The following CDH16 variants were observed in gnomAD, a reference collection of about 807,000 sequenced individuals.
The protein encoded by CDH16 is cadherin 16, also known as cadherin-16.
Under a neutral mutation model 87.6 loss-of-function variants are expected in CDH16, and 79 were observed. That is an observed-to-expected ratio of 0.90 (90% CI 0.75 to 1.09). CDH16 has a LOEUF of 1.09. Ranked by LOEUF, CDH16 falls within the 50% of genes least tolerant of loss-of-function variation. The probability of loss-of-function intolerance (pLI) is 0.00; values close to 1 mark genes in which losing one functional copy is unlikely to be tolerated. For missense variants in CDH16, 1,124 were observed against 1,071.7 expected, an observed-to-expected ratio of 1.05 and a Z score of -0.68; for synonymous variants, 457 against 439.5, an observed-to-expected ratio of 1.04 and a Z score of -0.50.
chr16:66,910,221 G>T (rs201456584), intron 15 of CDH16, 39 bp downstream of exon 15: 1 of 1,563,860 alleles, frequency 6.4e-7, no homozygotes, highest in Admixed American at 1.8e-5. Flanking sequence ...CCCCCTCCCT[G>T]CCTTGGCCAC....
At chr16:66,913,058 G>T in intron 9 of CDH16, 73 bp downstream of exon 9, 1 of 1,505,016 alleles carries the variant, frequency 6.6e-7, no homozygotes. Flanking sequence ...CCTGAGGCTG[G>T]GTCCTTATCC....
chr16:66,915,939 G>A (rs1353389267), intron 5 of CDH16, 126 bp downstream of exon 5: 2 of 1,087,950 alleles, frequency 1.8e-6, no homozygotes, highest in South Asian at 1.6e-5. Flanking sequence ...GAAAAGAAAA[G>A]AAAAAAGAAA....
rs1463512880 is a variant in CDH16, at chr16:66,914,350, T to C, written c.646A>G (p.Met216Val). Residue 216 changes from methionine to valine, a missense_variant, in exon 7 of 18, where the codon ATG (methionine) becomes GTG (valine). Met to Val is a conservative substitution (Grantham distance 21). Coordinates refer to ENST00000299752, the MANE Select transcript of CDH16 (RefSeq NM_004062.4). ...TGGTGGCCTGAGGCCTGGTCACCCA[T>C]GTCCTTGACCTGTACCAACAGCTGG... is the stretch of plus-strand genomic sequence containing the variant. ...TYQLLVQVKD[M>V]GDQASGHQAT... is the part of the protein sequence containing the mutation. 1 of 1,614,224 alleles carries C rather than the reference T, an allele frequency of 6.2e-7. No homozygotes were observed. The highest frequency in any genetic ancestry group is 8.5e-7 in the Non-Finnish European group (1 of 1,180,036).
intron 2 of CDH16, 42 bp from the exon 3 acceptor site, chr16:66,917,767 T>C: frequency 6.5e-7 from 1 of 1,529,300 alleles, no homozygotes; most frequent in Non-Finnish European, 9.0e-7. Flanking sequence ...TCTATCTTCC[T>C]GCGTGGGCAC....
In CDH16 at chr16:66,916,563, GC is replaced by G; in HGVS notation, c.130-135del. 1 of 995,804 alleles carries G rather than the reference GC, an allele frequency of 1.0e-6. No individual in the cohort carries two copies. Among genetic ancestry groups the G allele is most frequent in the Non-Finnish European group, 1.4e-6 (1 of 699,690 alleles). The allele number at this position is 995,804 out of a possible 1,614,324, so 61.7% of individuals were successfully genotyped here. ...TCTGGCTCCTGTCAGAGGTCACACA[GC>G]CAGTAAGCATCAGGACTGAGACTCA... On this transcript the variant is annotated intron_variant, in intron 3 of 17. Coordinates refer to ENST00000299752, the MANE Select transcript of CDH16 (RefSeq NM_004062.4). This position sits in a 1 kb window ranked among gnomAD's most constrained non-coding sequence, Gnocchi z 4.1.
chr16:66,912,998 G>C, intron 9 of CDH16, 107 bp from the exon 10 acceptor site: 1 of 1,224,232 alleles, frequency 8.2e-7, no homozygotes, highest in Non-Finnish European at 1.2e-6. Context: ...GCTCGTGTGT[G>C]TGTGTGTGTG....
chr16:66,913,093 T>C, intron 9 of CDH16, 38 bp downstream of exon 9: 6 of 1,578,604 alleles, frequency 3.8e-6, no homozygotes, highest in Non-Finnish European at 5.2e-6. Context: ...ACCAGGTGGT[T>C]AATAGAGACT....
rs1962745361 is a variant in CDH16, at chr16:66,917,707, G to T, written c.64C>A (p.Pro22Thr). ...SVPQALPKAQ[P>T]AELSVEVPEN... ...GGAACTTCCACAGACAGCTCTGCAG[G>T]CTGGGCCTTGGGGAGAGCCTGTGGG... The change falls in exon 3 of 18, where the codon CCT (proline) becomes ACT (threonine). Residue 22 changes from proline (P) to threonine (T), a missense_variant. By Grantham distance (38) the Pro-to-Thr change is conservative. Transcript: ENST00000299752. 1.2e-6 allele frequency: 2 copies of T among 1,612,378 alleles called. No individual in the cohort carries two copies. Among genetic ancestry groups the T allele is most frequent in the East Asian group, 4.5e-5 (2 of 44,876 alleles).
In CDH16 at chr16:66,916,523, T is replaced by A; in HGVS notation, c.130-94A>T. ...GGCCTCATTTTACATGTGGGGAAAC[T>A]GAGTCTCAGAGACATCTGGCTCCTG... is the stretch of plus-strand genomic sequence containing the variant. On this transcript the variant is annotated intron_variant, in intron 3 of 17. Coordinates refer to ENST00000299752, the MANE Select transcript of CDH16 (RefSeq NM_004062.4). The surrounding 1 kb of genome is among the most constrained non-coding windows in gnomAD (Gnocchi z 4.1). 7.2e-7 allele frequency: 1 copy of A among 1,387,172 alleles called. No homozygotes were observed. The highest frequency in any genetic ancestry group is 9.6e-7 in the Non-Finnish European group (1 of 1,041,642). The allele number at this position is 1,387,172 out of a possible 1,614,324, so 85.9% of individuals were successfully genotyped here. A position where few individuals can be genotyped will look rare whatever the true frequency, so the allele number is the denominator to read the frequency against.
Position 66,912,370 on chromosome 16 carries a change from C to T in CDH16, c.1420G>A (p.Ala474Thr), listed in dbSNP as rs1174435508. 6 of 1,614,030 alleles carry T rather than the reference C, an allele frequency of 3.7e-6. No individual in the cohort carries two copies. The highest frequency in any genetic ancestry group is 1.3e-5 in the African/African-American group (1 of 74,904). ...GCGGGCTCGAGGTCAGCATCAATGG[C>T]TGTTAGCATGGCCACCAGAGTCCCG... ...EPGTLVAMLT[A>T]IDADLEPAFR... Residue 474 changes from alanine to threonine, a missense_variant, in exon 12 of 18, where the codon GCC (alanine) becomes ACC (threonine). Coordinates refer to ENST00000299752, the MANE Select transcript of CDH16 (RefSeq NM_004062.4).
At position 66,911,249 on chromosome 16, in the gene CDH16, G is replaced by C. The variant is rs142029576; in HGVS notation, c.1857C>G (p.Thr619=). 4 of 1,613,334 alleles carry C rather than the reference G, an allele frequency of 2.5e-6. No individual in the cohort carries two copies. The highest frequency in any genetic ancestry group is 2.5e-6 in the Non-Finnish European group (3 of 1,179,748). ...CIEKFSGEVH[T]AQSLQGAQPG... ...GCTGGGCGCCCTGCAGGGACTGGGCGGTGTGCACCTCCCCGGAGAATTTCT... is the reference window on the plus strand; with the variant it reads ...GCTGGGCGCCCTGCAGGGACTGGGCCGTGTGCACCTCCCCGGAGAATTTCT... Residue 619 remains threonine, a synonymous_variant, in exon 14 of 18, where the codon ACC becomes ACG. Coordinates refer to ENST00000299752, the MANE Select transcript of CDH16 (RefSeq NM_004062.4).
rs773533402 is a variant in CDH16 at position 66,910,049 on chromosome 16, G to A, written c.2212C>T (p.Arg738Cys). The A allele has an allele frequency of 2.0e-5, 32 of 1,613,090 alleles. No homozygotes were observed. The highest frequency in any genetic ancestry group is 1.0e-4 in the Admixed American group (6 of 59,880). Reference sequence around the variant, plus strand: ...ACCACCACGGGGATTATGTGTTCACGTGGCTCCACCCAATGCAGGGCCAAG... The same window carrying A: ...ACCACCACGGGGATTATGTGTTCACATGGCTCCACCCAATGCAGGGCCAAG... ...LTLALHWVEP[R>C]EHIIPVVVSH... is the part of the protein sequence containing the mutation. The change falls in exon 16 of 18, where the codon CGT becomes TGT. Residue 738 changes from arginine (R) to cysteine (C), a missense_variant. Physicochemically the swap from Arg to Cys is radical, Grantham distance 180. Coordinates refer to ENST00000299752, the MANE Select transcript of CDH16 (RefSeq NM_004062.4).
In CDH16 at chr16:66,910,383, G is replaced by A. The variant is rs1243257608; in HGVS notation, c.2044C>T (p.His682Tyr). ...CTGGGTCCACTCACGATCAAGCCATGGTCTTGGCGGGGTGTGCAGAGGTAT... is the reference window on the plus strand; with the variant it reads ...CTGGGTCCACTCACGATCAAGCCATAGTCTTGGCGGGGTGTGCAGAGGTAT... ...SQYLCTPRQD[H>Y]GLIVSGPSKD... The change falls in exon 15 of 18, where the codon CAT (histidine) becomes TAT (tyrosine). Residue 682 changes from histidine (H) to tyrosine (Y), a missense_variant. Coordinates refer to ENST00000299752, the MANE Select transcript of CDH16 (RefSeq NM_004062.4). The A allele has an allele frequency of 6.2e-7, 1 of 1,613,508 alleles. No individual in the cohort carries two copies. The highest frequency in any genetic ancestry group is 1.3e-5 in the African/African-American group (1 of 74,910).
At chr16:66,910,800 C>T (rs1283320287) in intron 14 of CDH16, 1 of 384,462 alleles carries the variant, frequency 2.6e-6, no homozygotes, top group Non-Finnish European at 4.6e-6. Context: ...TCAGTGTCCT[C>T]CACACCTGGC....
intron 5 of CDH16, 99 bp downstream of exon 5, chr16:66,915,966 G>T (rs1962661050): frequency 2.3e-6 from 3 of 1,326,628 alleles, no homozygotes; most frequent in Admixed American, 3.7e-5. Context: ...AGAAATGGCT[G>T]CCCTGTCCTA....
At chr16:66,917,296 T>A (rs1039503196) in intron 3 of CDH16, among the ~76,000 whole-genome samples, 4 of 151,884 alleles carry the variant, frequency 2.6e-5, no homozygotes, top group African/African-American at 9.7e-5. Flanking sequence ...CGAAACTTCG[T>A]CTCAAAAGAA....
At position 66,909,374 on chromosome 16, in the gene CDH16, C is replaced by A; in HGVS notation, c.2285G>T (p.Cys762Phe). Reference protein sequence around the residue: ...MWQLLVRVIVCRCNVEGQCMR... With the variant: ...MWQLLVRVIVFRCNVEGQCMR... ...GCACTGCCCCTCCACGTTGCAGCGA[C>A]ACACGATCACTGAGGGGAGAGGGGA... Residue 762 changes from cysteine to phenylalanine, a missense_variant, in exon 17 of 18, where the codon TGT becomes TTT. Coordinates refer to ENST00000299752, the MANE Select transcript of CDH16 (RefSeq NM_004062.4). This position sits in a 1 kb window ranked among gnomAD's most constrained non-coding sequence, Gnocchi z 4.1. 1 of 1,584,496 alleles carries A rather than the reference C, an allele frequency of 6.3e-7. No individual in the cohort carries two copies. Among genetic ancestry groups the A allele is most frequent in the African/African-American group, 1.3e-5 (1 of 74,256 alleles).
rs79541908 is a variant in CDH16, at chr16:66,913,143, G to A, written c.1042C>T (p.Leu348Phe). ...PRDPTVSIPELSPPGTEVTRL... is the reference protein window; with the variant it reads ...PRDPTVSIPEFSPPGTEVTRL... ...TCCTGTAGCTCACCTGGTGGACTGAGCTCAGGGATGCTGACTGTGGGGTCA... is the reference window on the plus strand; with the variant it reads ...TCCTGTAGCTCACCTGGTGGACTGAACTCAGGGATGCTGACTGTGGGGTCA... The change falls in exon 9 of 18, where the codon CTC (leucine) becomes TTC (phenylalanine). Residue 348 changes from leucine to phenylalanine, a missense_variant. Transcript: ENST00000299752. 3 of 1,609,064 alleles carry A rather than the reference G, an allele frequency of 1.9e-6. No homozygotes were observed. The African/African-American group carries it at 4.0e-5, about 21-fold the overall frequency.
chr16:66,913,725 C>G, intron 7 of CDH16, 112 bp from the exon 8 acceptor site: 1 of 1,403,422 alleles, frequency 7.1e-7, no homozygotes, highest in Non-Finnish European at 9.6e-7. Flanking sequence ...AGGCAAGGTG[C>G]TGCCCTCCCT....
Sources: gnomAD v4.1 joint callset for allele counts (sites outside exome capture counted in the v4.1 genomes callset) on GRCh38, gnomAD v4.1.1 for gene constraint, Gnocchi (gnomAD v3.1) non-coding constraint, MANE v1.5 for transcripts, NCBI Gene and HGNC (gene_info 2026-07-23, HGNC 2026-07-21) for gene names.